The following ARHGEF26 variants were observed in gnomAD, a reference collection of about 807,000 sequenced individuals.
ARHGEF26 encodes the protein Rho guanine nucleotide exchange factor (GEF) 26.
Under a neutral mutation model 89.4 loss-of-function variants are expected in ARHGEF26, and 59 were observed. The observed-to-expected ratio is 0.66, with a 90% CI of 0.54 to 0.82. The LOEUF (loss-of-function observed/expected upper bound fraction) is 0.82, where lower values mean the gene tolerates loss of function less well. Ranked by LOEUF, ARHGEF26 falls within the 40% of genes least tolerant of loss-of-function variation. The probability of loss-of-function intolerance (pLI) is 0.00; values close to 1 mark genes in which losing one functional copy is unlikely to be tolerated. For synonymous variants in ARHGEF26, 500 were observed against 428.4 expected, an observed-to-expected ratio of 1.17 and a Z score of -2.06; for missense variants, 1,234 against 1,085.6, an observed-to-expected ratio of 1.14 and a Z score of -1.92.
chr3:154,124,445 G>T lies in ARHGEF26; in HGVS notation c.1119G>T (p.Gly373=). 1 of 1,535,406 alleles carries T rather than the reference G, an allele frequency of 6.5e-7. No homozygotes were observed. The highest frequency in any genetic ancestry group is 2.3e-5 in the Admixed American group (1 of 42,638). The change falls in exon 3 of 15, where the codon GGG becomes GGT. Residue 373 remains glycine, a synonymous_variant. Coordinates refer to ENST00000465093, the MANE Select transcript of ARHGEF26 (RefSeq NM_015595.4). ...TGAAAGGACAAGGAACATTTGATGG[G>T]GAAGGTAAGCATTTAATTTTCCAAA... ...KMLKGQGTFD[G]EENAVLYQNY... is the part of the protein sequence containing the mutation.
At chr3:154,166,694 C>T (rs1712064311) in intron 6 of ARHGEF26, among the ~76,000 whole-genome samples, 2 of 152,156 alleles carry the variant, frequency 1.3e-5, no homozygotes, top group Non-Finnish European at 2.9e-5. Context: ...TTCTTGTGAG[C>T]AGTGTGTATC....
chr3:154,138,900 T>G (rs1419157510), intron 4 of ARHGEF26, among the ~76,000 whole-genome samples: 1 of 152,224 alleles, frequency 6.6e-6, no homozygotes, highest in Non-Finnish European at 1.5e-5. Flanking sequence ...GAGACAGATG[T>G]CAGATATCAA....
intron 6 of ARHGEF26, among the ~76,000 whole-genome samples, chr3:154,174,700 TTA>T (rs963218663): frequency 3.2e-4 from 48 of 152,302 alleles, no homozygotes; most frequent in African/African-American, 1.1e-3. Flanking sequence ...GTCAGATTTT[TTA>T]TATTAGAGCA....
At chr3:154,169,687 A>G (rs1020004746) in intron 6 of ARHGEF26, among the ~76,000 whole-genome samples, 1 of 152,224 alleles carries the variant, frequency 6.6e-6, no homozygotes, top group Non-Finnish European at 1.5e-5. Flanking sequence ...AATATTAACA[A>G]ATCAACAATA....
At chr3:154,191,036 G>C (rs1447351431) in intron 7 of ARHGEF26, among the ~76,000 whole-genome samples, 1 of 152,004 alleles carries the variant, frequency 6.6e-6, no homozygotes, top group Non-Finnish European at 1.5e-5. Context: ...TAAATTTCTA[G>C]CTCCTACATG....
chr3:154,157,478 T>C (rs1003611924), intron 6 of ARHGEF26, among the ~76,000 whole-genome samples: 1 of 152,156 alleles, frequency 6.6e-6, no homozygotes, highest in East Asian at 1.9e-4. Flanking sequence ...CTAAAGCCTA[T>C]GTGGAAACAT....
At chr3:154,178,186 A>G (rs1248626460) in intron 6 of ARHGEF26, among the ~76,000 whole-genome samples, 1 of 152,204 alleles carries the variant, frequency 6.6e-6, no homozygotes, top group Admixed American at 6.5e-5. Context: ...CCTGGTTGAT[A>G]GAGTGAGACT....
At chr3:154,222,507 G>A (rs564523356) in intron 10 of ARHGEF26, among the ~76,000 whole-genome samples, 2 of 152,268 alleles carry the variant, frequency 1.3e-5, no homozygotes, top group African/African-American at 2.4e-5. Flanking sequence ...GAACCCTAAA[G>A]TGAAGCTGAT....
chr3:154,139,818 A>G (rs1313219867), intron 4 of ARHGEF26, among the ~76,000 whole-genome samples: 1 of 152,204 alleles, frequency 6.6e-6, no homozygotes, highest in Non-Finnish European at 1.5e-5. Context: ...CTGTACTCTA[A>G]TATCTTAATA....
intron 5 of ARHGEF26, among the ~76,000 whole-genome samples, chr3:154,150,613 T>C (rs1301171544): frequency 2.0e-5 from 3 of 152,214 alleles, no homozygotes; most frequent in Non-Finnish European, 2.9e-5. Flanking sequence ...GAACACCACC[T>C]TTAAATATTT....
At chr3:154,174,432 T>C (rs1293895236) in intron 6 of ARHGEF26, among the ~76,000 whole-genome samples, 1 of 152,214 alleles carries the variant, frequency 6.6e-6, no homozygotes, top group African/African-American at 2.4e-5. Flanking sequence ...ATTAGCTTGA[T>C]ACAATGGCTG....
At chr3:154,128,148 T>C (rs950688318) in intron 3 of ARHGEF26, among the ~76,000 whole-genome samples, 2 of 152,230 alleles carry the variant, frequency 1.3e-5, no homozygotes, top group African/African-American at 4.8e-5. Context: ...CTCAAACTTA[T>C]AGTGACTTGC....
At chr3:154,246,558 G>T (rs1360390203) in intron 12 of ARHGEF26, among the ~76,000 whole-genome samples, 2 of 152,182 alleles carry the variant, frequency 1.3e-5, no homozygotes, top group African/African-American at 4.8e-5. Context: ...GATTCAAGGG[G>T]TGGAGACTGG....
chr3:154,237,368 C>T (rs1214749962), intron 11 of ARHGEF26, among the ~76,000 whole-genome samples: 5 of 151,940 alleles, frequency 3.3e-5, no homozygotes, highest in African/African-American at 1.2e-4. Context: ...ATGGTGAAAC[C>T]CTGTCTCTAC....
Position 154,136,817 on chromosome 3 carries a change from G to A in ARHGEF26, c.1269+7098G>A, listed in dbSNP as rs537035954. Among the ~76,000 whole-genome samples the A allele has an allele frequency of 3.6e-4, 55 of 152,282 alleles. 1 individual carries two copies. In the South Asian group the frequency reaches 0.011, roughly 32 times the overall value. The stretch of plus-strand genomic sequence containing the variant: ...TTTTCATTTACAGTTTGGCAACGCA[G>A]CAGTCTCATAAGATTATTTTTTTAC... On this transcript the variant is annotated intron_variant, in intron 4 of 14. Transcript: ENST00000465093.
intron 9 of ARHGEF26, among the ~76,000 whole-genome samples, chr3:154,199,154 C>T (rs1477978318): frequency 6.6e-6 from 1 of 151,716 alleles, no homozygotes; most frequent in Non-Finnish European, 1.5e-5. Flanking sequence ...TATAGTAGGT[C>T]TTGTTCATTT....
chr3:154,250,560 T>C (rs1173472534), intron 12 of ARHGEF26, among the ~76,000 whole-genome samples: 1 of 152,240 alleles, frequency 6.6e-6, no homozygotes, highest in Admixed American at 6.5e-5. Flanking sequence ...TCTGGACTTC[T>C]GGAAACTGGC....
chr3:154,255,749 GCTC>G lies in ARHGEF26; in HGVS notation c.*282_*284del, dbSNP rs773084834. The G allele has an allele frequency of 1.6e-6, 2 of 1,217,660 alleles. No homozygotes were observed. The highest frequency in any genetic ancestry group is 3.1e-5 in the South Asian group (1 of 31,890). 75.4% of individuals were successfully genotyped at this position (1,217,660 alleles called of 1,614,324 possible). ...TCACTTCAGGGATCAGGTCATCTCTGCTCCTCCTAGTTTCACCATGTTCTGGCA... is the reference window on the plus strand; with the variant it reads ...TCACTTCAGGGATCAGGTCATCTCTGCTCCTAGTTTCACCATGTTCTGGCA... On this transcript the variant is annotated 3_prime_UTR_variant, in exon 15 of 15. Coordinates refer to ENST00000465093, the MANE Select transcript of ARHGEF26 (RefSeq NM_015595.4).
chr3:154,152,402 C>T (rs935060387), intron 5 of ARHGEF26, among the ~76,000 whole-genome samples: 27 of 152,266 alleles, frequency 1.8e-4, no homozygotes, highest in Admixed American at 7.9e-4. Flanking sequence ...GCTTTGAAAG[C>T]AGGGCTGGAG....
Sources: allele counts gnomAD v4.1 joint callset (sites outside exome capture counted in the v4.1 genomes callset), GRCh38; gene constraint gnomAD v4.1.1; transcripts MANE v1.5; gene names NCBI Gene and HGNC (gene_info 2026-07-23, HGNC 2026-07-21).